CNTNAP2: variants seen among roughly 807,000 people sequenced by gnomAD.
The protein encoded by CNTNAP2 is contactin associated protein 2.
In CNTNAP2, 98 loss-of-function variants were observed where a neutral mutation model predicts 155.2. The observed-to-expected ratio is 0.63, with a 90% CI of 0.54 to 0.75. The LOEUF is 0.75. Ranked by LOEUF, CNTNAP2 falls within the 30% of genes least tolerant of loss-of-function variation. The probability of loss-of-function intolerance (pLI) is 0.00; values close to 1 mark genes in which losing one functional copy is unlikely to be tolerated. For missense variants in CNTNAP2, 1,727 were observed against 1,688.1 expected, an observed-to-expected ratio of 1.02 and a Z score of -0.40; for synonymous variants, 651 against 631.2, an observed-to-expected ratio of 1.03 and a Z score of -0.47.
At chr7:146,371,749 G>A (rs983786140) in intron 1 of CNTNAP2, among the ~76,000 whole-genome samples, 1 of 151,914 alleles carries the variant, frequency 6.6e-6, no homozygotes, top group Non-Finnish European at 1.5e-5. Context: ...GAGGTCAGGA[G>A]TTTGAGACCA....
intron 1 of CNTNAP2, among the ~76,000 whole-genome samples, chr7:146,332,223 C>G (rs995565962): frequency 4.0e-5 from 6 of 151,780 alleles, no homozygotes; most frequent in African/African-American, 1.5e-4. Context: ...CAAAGTAACT[C>G]AAACTGTTAA....
chr7:147,048,139 A>T (rs1429188103), intron 4 of CNTNAP2, among the ~76,000 whole-genome samples: 2 of 127,692 alleles, frequency 1.6e-5, no homozygotes, highest in African/African-American at 6.2e-5. Context: ...CAGTGGCGTG[A>T]TCTCGGCTCA....
At chr7:146,758,729 C>G (rs1293095424) in intron 1 of CNTNAP2, among the ~76,000 whole-genome samples, 1 of 152,152 alleles carries the variant, frequency 6.6e-6, no homozygotes, top group East Asian at 1.9e-4. Context: ...CACAGGGTCC[C>G]TCCCACAACA....
intron 9 of CNTNAP2, among the ~76,000 whole-genome samples, chr7:147,368,074 C>A (rs1796271982): frequency 1.3e-5 from 1 of 75,004 alleles, no homozygotes; most frequent in Non-Finnish European, 2.7e-5. Flanking sequence ...TCTTTCTCTC[C>A]CTCCTTTCCT....
Position 147,639,107 on chromosome 7 carries a change from G to T in CNTNAP2, c.1899G>T (p.Glu633Asp). ...GPLKVYCNMT[E>D]DKVWTIVSHD... The stretch of plus-strand genomic sequence containing the variant: ...TCCTGGTTGTTTTTCTCCCCACAGA[G>T]GACAAAGTGTGGACCATAGTGTCTC... Residue 633 changes from glutamate (E) to aspartate (D), a missense_variant and splice_region_variant, in exon 13 of 24, where the codon GAG becomes GAT. Physicochemically the swap from Glu to Asp is conservative, Grantham distance 45. Transcript: ENST00000361727. 2.5e-6 allele frequency: 4 copies of T among 1,614,040 alleles called. No homozygotes were observed. The highest frequency in any genetic ancestry group is 3.4e-6 in the Non-Finnish European group (4 of 1,179,968).
At chr7:147,708,067 G>A (rs1434048899) in intron 13 of CNTNAP2, among the ~76,000 whole-genome samples, 6 of 152,216 alleles carry the variant, frequency 3.9e-5, no homozygotes, top group Admixed American at 3.9e-4. Flanking sequence ...TGGTAGACAG[G>A]GGTGGAGTGA....
At chr7:147,081,956 A>T (rs1800141530) in intron 4 of CNTNAP2, 1 of 152,186 alleles carries the variant, frequency 6.6e-6, no homozygotes, top group African/African-American at 2.4e-5. Context: ...TAGAGGATCA[A>T]TAGGCTCTAG....
chr7:147,806,200 C>T (rs1347528586), intron 13 of CNTNAP2, among the ~76,000 whole-genome samples: 3 of 152,130 alleles, frequency 2.0e-5, no homozygotes, highest in African/African-American at 4.8e-5. Context: ...GCTGAGTAGA[C>T]ATTTTTCACA....
At chr7:146,654,459 C>T (rs112575328) in intron 1 of CNTNAP2, among the ~76,000 whole-genome samples, 2 of 152,068 alleles carry the variant, frequency 1.3e-5, no homozygotes, top group Non-Finnish European at 2.9e-5. Context: ...AATAGCTTGG[C>T]TTCCCAGAAA....
intron 4 of CNTNAP2, among the ~76,000 whole-genome samples, chr7:147,092,158 C>A (rs1800421091): frequency 6.6e-6 from 1 of 152,192 alleles, no homozygotes; most frequent in Admixed American, 6.6e-5. Context: ...TGTAAAAATG[C>A]AGGAAGTTGA....
intron 9 of CNTNAP2, among the ~76,000 whole-genome samples, chr7:147,312,410 C>T (rs531739100): frequency 7.4e-6 from 1 of 134,832 alleles, no homozygotes; most frequent in South Asian, 2.7e-4. Flanking sequence ...AACCGTCCCC[C>T]CTCCCCCGAC....
chr7:147,194,284 G>C (rs1373405308), intron 8 of CNTNAP2, among the ~76,000 whole-genome samples: 1 of 152,150 alleles, frequency 6.6e-6, no homozygotes, highest in Non-Finnish European at 1.5e-5. Flanking sequence ...TGGCCGCCTA[G>C]TATTCCATGG....
intron 14 of CNTNAP2, among the ~76,000 whole-genome samples, chr7:147,914,935 A>G (rs1350110536): frequency 6.6e-6 from 1 of 152,150 alleles, no homozygotes; most frequent in Non-Finnish European, 1.5e-5. Context: ...AACAATTACA[A>G]CGCAATAGAT....
At chr7:147,475,179 A>G (rs1370928013) in intron 10 of CNTNAP2, among the ~76,000 whole-genome samples, 1 of 152,228 alleles carries the variant, frequency 6.6e-6, no homozygotes, top group Non-Finnish European at 1.5e-5. Flanking sequence ...TGACACAAAC[A>G]ATGATGCAAT....
intron 20 of CNTNAP2, among the ~76,000 whole-genome samples, chr7:148,257,940 CACACACAG>C (rs1273676324): frequency 7.9e-5 from 9 of 113,662 alleles, no homozygotes; most frequent in African/African-American, 2.7e-4. Flanking sequence ...CACACACACA[CACACACAG>C]ACAGATTTAC....
At chr7:146,617,656 A>T (rs949160958) in intron 1 of CNTNAP2, among the ~76,000 whole-genome samples, 4 of 152,350 alleles carry the variant, frequency 2.6e-5, no homozygotes, top group Admixed American at 2.0e-4. Context: ...ATTAAAATTG[A>T]TACATCAAAT....
intron 1 of CNTNAP2, among the ~76,000 whole-genome samples, chr7:146,165,966 A>G (rs1351667680): frequency 2.0e-5 from 3 of 152,192 alleles, no homozygotes; most frequent in Admixed American, 1.3e-4. Context: ...ACAAAATCAA[A>G]ACAATGTGTA....
At chr7:147,472,978 C>A (rs1798251955) in intron 10 of CNTNAP2, among the ~76,000 whole-genome samples, 1 of 152,194 alleles carries the variant, frequency 6.6e-6, no homozygotes, top group African/African-American at 2.4e-5. Flanking sequence ...TTAGAGAAAG[C>A]TAAGGGCTGA....
At chr7:147,184,895 C>A (rs774631713) in intron 8 of CNTNAP2, among the ~76,000 whole-genome samples, 59 of 152,212 alleles carry the variant, frequency 3.9e-4, no homozygotes, top group Admixed American at 1.4e-3. Flanking sequence ...ACCAAGTGAT[C>A]CATATCTACT....
Sources: allele counts gnomAD v4.1 joint callset (sites outside exome capture counted in the v4.1 genomes callset), GRCh38; gene constraint gnomAD v4.1.1; transcripts MANE v1.5; gene names NCBI Gene and HGNC (gene_info 2026-07-23, HGNC 2026-07-21).